TXNRD3: variants seen among roughly 807,000 people sequenced by gnomAD.
TXNRD3 encodes thioredoxin reductase 3.
In TXNRD3, 68 loss-of-function variants were observed where a neutral mutation model predicts 78.2. The observed-to-expected ratio is 0.87, with a 90% confidence interval of 0.72 to 1.06. TXNRD3 has a LOEUF of 1.06. TXNRD3 is among the 50% of genes least tolerant of loss of function. The pLI, the probability that TXNRD3 is intolerant of heterozygous loss-of-function variation, is 0.00. For missense variants in TXNRD3, 751 were observed against 809.5 expected, an observed-to-expected ratio of 0.93 and a Z score of 0.88; for synonymous variants, 296 against 300.1, an observed-to-expected ratio of 0.99 and a Z score of 0.14.
chr3:126,628,522 C>T (rs919264545), intron 10 of TXNRD3, among the ~76,000 whole-genome samples: 2 of 151,942 alleles, frequency 1.3e-5, no homozygotes, highest in African/African-American at 4.8e-5. Flanking sequence ...CATTTGTATA[C>T]ACTAGAAACA....
At chr3:126,608,682 G>A in intron 14 of TXNRD3, 49 bp from the exon 15 acceptor site, 1 of 1,501,506 alleles carries the variant, frequency 6.7e-7, no homozygotes, top group Non-Finnish European at 8.9e-7. Context: ...TTAATGGTCT[G>A]AATATGGATC....
chr3:126,611,966 C>A (rs764805251), intron 13 of TXNRD3, among the ~76,000 whole-genome samples: 1 of 152,074 alleles, frequency 6.6e-6, no homozygotes, highest in African/African-American at 2.4e-5. Flanking sequence ...TTACTTGTAG[C>A]CAAAAACAAA....
intron 7 of TXNRD3, among the ~76,000 whole-genome samples, chr3:126,632,321 C>T (rs1387839240): frequency 6.6e-6 from 1 of 152,120 alleles, no homozygotes; most frequent in African/African-American, 2.4e-5. Context: ...ATCCTAACAA[C>T]TTAGGCTATG....
intron 9 of TXNRD3, among the ~76,000 whole-genome samples, chr3:126,630,498 G>C (rs575063595): frequency 6.6e-6 from 1 of 152,316 alleles, no homozygotes; most frequent in East Asian, 1.9e-4. Flanking sequence ...AACAAAGTGG[G>C]AGATGAGGGG....
intron 1 of TXNRD3, among the ~76,000 whole-genome samples, chr3:126,652,353 T>A (rs1195168421): frequency 6.6e-6 from 1 of 152,134 alleles, no homozygotes; most frequent in Non-Finnish European, 1.5e-5. Context: ...CCATGATCCA[T>A]TCATCTCCCA....
intron 8 of TXNRD3, 78 bp downstream of exon 8, chr3:126,631,686 G>A: frequency 2.3e-6 from 2 of 877,436 alleles, no homozygotes; most frequent in Non-Finnish European, 3.5e-6. Flanking sequence ...TGTGGAATAA[G>A]ACAGGAAGTA....
At chr3:126,630,371 C>G (rs1366957404) in intron 9 of TXNRD3, among the ~76,000 whole-genome samples, 1 of 152,008 alleles carries the variant, frequency 6.6e-6, no homozygotes, top group East Asian at 1.9e-4. Context: ...AAATAGGCAC[C>G]CAGTCAGAAA....
At chr3:126,634,198 T>C (rs1300159976) in intron 6 of TXNRD3, 147 bp from the exon 7 acceptor site, 1 of 619,244 alleles carries the variant, frequency 1.6e-6, no homozygotes, top group African/African-American at 1.9e-5. Context: ...ATGCCAGCCA[T>C]AGTTTATACT....
intron 12 of TXNRD3, among the ~76,000 whole-genome samples, chr3:126,619,795 G>A (rs1938404893): frequency 1.3e-5 from 2 of 152,116 alleles, no homozygotes; most frequent in South Asian, 2.1e-4. Context: ...ATTACACATT[G>A]TATACGTGTA....
chr3:126,641,865 C>A (rs3821449), intron 6 of TXNRD3, among the ~76,000 whole-genome samples, 167 bp downstream of exon 6: 1 of 152,088 alleles, frequency 6.6e-6, no homozygotes, highest in Non-Finnish European at 1.5e-5. Context: ...CCCACAAGAG[C>A]GGGGGGCCCT....
intron 5 of TXNRD3, among the ~76,000 whole-genome samples, chr3:126,642,434 A>G (rs1313440487): frequency 6.6e-6 from 1 of 152,230 alleles, no homozygotes; most frequent in East Asian, 1.9e-4. Flanking sequence ...ATGATCTAAG[A>G]TTAATTAGAT....
chr3:126,611,432 G>A lies in TXNRD3; in HGVS notation c.1633-300C>T, dbSNP rs184656276. 4.2e-3 allele frequency among the ~76,000 whole-genome samples: 639 copies of A among 152,328 alleles called. 7 individuals are homozygous for A. Among genetic ancestry groups the A allele is most frequent in the African/African-American group, 0.015 (605 of 41,562 alleles). On this transcript the variant is annotated intron_variant, in intron 13 of 15. Transcript: ENST00000524230. ...CCAGCAACCCAAGGCAGAGCACTAG[G>A]CACAGGCTCTCGTGTGGGCTGCAGA...
At chr3:126,646,318 A>C (rs541934651) in intron 2 of TXNRD3, 98 bp from the exon 3 acceptor site, 1 of 933,634 alleles carries the variant, frequency 1.1e-6, no homozygotes, top group South Asian at 2.0e-5. Context: ...TCACATGTAC[A>C]TACTCATAAC....
chr3:126,609,736 C>T (rs1192752823), intron 14 of TXNRD3, among the ~76,000 whole-genome samples: 2 of 152,252 alleles, frequency 1.3e-5, no homozygotes, highest in East Asian at 3.9e-4. Flanking sequence ...AGCAGAGGGG[C>T]TCAGAGATGG....
intron 1 of TXNRD3, among the ~76,000 whole-genome samples, chr3:126,649,288 CAAT>C (rs1933317010): frequency 6.6e-6 from 1 of 152,162 alleles, no homozygotes; most frequent in African/African-American, 2.4e-5. Context: ...ATCAAAACCA[CAAT>C]AATACTTCAC....
chr3:126,629,529 GAA>G, intron 9 of TXNRD3, 58 bp from the exon 10 acceptor site: 1 of 1,326,784 alleles, frequency 7.5e-7, no homozygotes, highest in Non-Finnish European at 1.0e-6. Flanking sequence ...AGAAATACAC[GAA>G]AGGGTCTACA....
intron 4 of TXNRD3, 81 bp downstream of exon 4, chr3:126,644,216 T>C: frequency 7.2e-7 from 1 of 1,384,882 alleles, no homozygotes; most frequent in African/African-American, 1.4e-5. Context: ...AACATTAGTT[T>C]GTTTTTTTTT....
intron 1 of TXNRD3, among the ~76,000 whole-genome samples, chr3:126,654,409 C>G (rs1462184508): frequency 1.3e-5 from 2 of 152,192 alleles, no homozygotes; most frequent in East Asian, 3.8e-4. Context: ...TGCCGGATTC[C>G]TAGTCCGCCC....
At chr3:126,614,329 C>A (rs1938265290) in intron 13 of TXNRD3, among the ~76,000 whole-genome samples, 1 of 152,144 alleles carries the variant, frequency 6.6e-6, no homozygotes, top group African/African-American at 2.4e-5. Context: ...ACTTGAGGAA[C>A]TTGTTTCCTA....
Sources: allele counts gnomAD v4.1 joint callset (sites outside exome capture counted in the v4.1 genomes callset), GRCh38; gene constraint gnomAD v4.1.1; transcripts MANE v1.5; gene names NCBI Gene and HGNC (gene_info 2026-07-23, HGNC 2026-07-21).